ATP11A: variants seen among roughly 807,000 people sequenced by gnomAD.
The protein encoded by ATP11A is phospholipid-transporting ATPase IH.
ATP11A carries 81 observed loss-of-function variants against 154.4 expected under a neutral mutation model. The observed-to-expected ratio is 0.52, with a 90% confidence interval of 0.44 to 0.63. The LOEUF (loss-of-function observed/expected upper bound fraction) is 0.63. ATP11A is among the 30% of genes least tolerant of loss of function. The pLI, the probability that ATP11A is intolerant of heterozygous loss-of-function variation, is 0.00. For synonymous variants in ATP11A, 623 were observed against 585.9 expected (o/e 1.06, Z -0.91); for missense variants, 1,316 against 1,474.3 (o/e 0.89, Z 1.76).
At chr13:112,816,046 G>C in intron 5 of ATP11A, 37 bp from the exon 6 acceptor site, 1 of 1,612,744 alleles carries the variant, frequency 6.2e-7, no homozygotes, top group Middle Eastern at 1.7e-4. Flanking sequence ...TCACGGAGGG[G>C]CTTTCCATTG....
chr13:112,701,943 C>T (rs1303534037), intron 1 of ATP11A, among the ~76,000 whole-genome samples: 1 of 152,152 alleles, frequency 6.6e-6, no homozygotes, highest in African/African-American at 2.4e-5. Context: ...TGGATGGGGC[C>T]TGCGGTTATC....
intron 1 of ATP11A, among the ~76,000 whole-genome samples, chr13:112,770,171 C>G (rs1444582810): frequency 6.6e-6 from 1 of 152,130 alleles, no homozygotes; most frequent in Non-Finnish European, 1.5e-5. Flanking sequence ...CCAGAGTAGG[C>G]CAAGAATGAT....
At chr13:112,705,893 A>G (rs1192901885) in intron 1 of ATP11A, among the ~76,000 whole-genome samples, 1 of 152,188 alleles carries the variant, frequency 6.6e-6, no homozygotes, top group Non-Finnish European at 1.5e-5. Context: ...TTGTGGCAAA[A>G]CATACATAAA....
rs1164467247 is a variant in ATP11A at position 112,881,721 on chromosome 13, C to G, written c.*10-155C>G. On this transcript the variant is annotated intron_variant, in intron 29 of 29. Coordinates refer to ENST00000375645, the MANE Select transcript of ATP11A (RefSeq NM_015205.3). ...TGAGTCTAGCAGTTCCTGCAGGAGG[C>G]GATGGTAGTGAGTGCATCCCAGAGT... 1.2e-5 allele frequency: 15 copies of G among 1,304,128 alleles called. No homozygotes were observed. In the Admixed American group the frequency reaches 1.4e-4, roughly 12 times the overall value. The allele number at this position is 1,304,128 out of a possible 1,614,324, so 80.8% of individuals were successfully genotyped here.
chr13:112,816,329 A>C, intron 6 of ATP11A, 118 bp downstream of exon 6: 1 of 1,296,742 alleles, frequency 7.7e-7, no homozygotes, highest in East Asian at 2.4e-5. Flanking sequence ...CATGTAACCC[A>C]GGGAGTTACA....
intron 2 of ATP11A, 50 bp from the exon 3 acceptor site, chr13:112,804,907 A>C (rs3742228): frequency 2.5e-6 from 3 of 1,215,328 alleles, no homozygotes; most frequent in Non-Finnish European, 3.6e-6. Context: ...GTAACACTAC[A>C]AGAGTAAAAT....
At chr13:112,851,644 C>T (rs1436593588) in intron 18 of ATP11A, 2 of 154,470 alleles carry the variant, frequency 1.3e-5, no homozygotes, top group Non-Finnish European at 2.9e-5. Context: ...TTCTCAGCCT[C>T]CTGAGTAGCT....
rs977372293 is a variant in ATP11A, at chr13:112,886,101, GGGCCGC to G, written c.*4242_*4247del. 2 of 152,482 alleles carry G rather than the reference GGGCCGC, an allele frequency of 1.3e-5. No homozygotes were observed. The highest frequency in any genetic ancestry group is 4.8e-5 in the African/African-American group (2 of 41,600). The allele number at this position is 152,482 out of a possible 1,614,324, so 9.4% of individuals were successfully genotyped here. A position where few individuals can be genotyped will look rare whatever the true frequency, so the allele number is the denominator to read the frequency against. On this transcript the variant is annotated 3_prime_UTR_variant, in exon 30 of 30. Coordinates refer to ENST00000375645, the MANE Select transcript of ATP11A (RefSeq NM_015205.3). The stretch of plus-strand genomic sequence containing the variant: ...CCTTCCGCCACGAGCCAGCTGGGAA[GGGCCGC>G]GGCCGCCTAAAGCCCCAGTCAACCC...
At chr13:112,880,633 A>T in intron 29 of ATP11A, 1 of 1,296,238 alleles carries the variant, frequency 7.7e-7, no homozygotes, top group Non-Finnish European at 1.0e-6. Flanking sequence ...GCCAAGGCGC[A>T]GTTAGCTCCA....
rs28450734 is a variant in ATP11A at position 112,746,438 on chromosome 13, C to A, written c.40-38697C>A. On this transcript the variant is annotated intron_variant, in intron 1 of 29. Coordinates refer to ENST00000375645, the MANE Select transcript of ATP11A (RefSeq NM_015205.3). This position sits in a 1 kb window ranked among gnomAD's most constrained non-coding sequence, Gnocchi z 4.1. ...TGGGGTTCCGGCTCCCCGCGTCCTC[C>A]CCGGGTAACTGGGGCTCTGGTTCCC... 7.8e-6 allele frequency: 1 copy of A among 128,190 alleles called. No homozygotes were observed. Among genetic ancestry groups the A allele is most frequent in the Non-Finnish European group, 1.6e-5 (1 of 61,624 alleles). 7.9% of individuals were successfully genotyped at this position (128,190 alleles called of 1,614,324 possible). A position where few individuals can be genotyped will look rare whatever the true frequency, so the allele number is the denominator to read the frequency against.
At chr13:112,749,094 A>G (rs1053511026) in intron 1 of ATP11A, among the ~76,000 whole-genome samples, 1 of 152,218 alleles carries the variant, frequency 6.6e-6, no homozygotes, top group African/African-American at 2.4e-5. Context: ...AGGTGGCTGC[A>G]GCGTCCCCAG....
At chr13:112,868,431 G>A (rs945973) in intron 25 of ATP11A, among the ~76,000 whole-genome samples, 49,658 of 152,048 alleles carry the variant, frequency 0.33, 8,850 homozygotes, top group East Asian at 0.45. Context: ...GGAAGTGGGG[G>A]CATGGGGCTT....
intron 6 of ATP11A, among the ~76,000 whole-genome samples, chr13:112,816,712 T>A (rs1267131936): frequency 2.6e-5 from 4 of 152,088 alleles, no homozygotes; most frequent in African/African-American, 9.7e-5. Context: ...TACCTTGTGT[T>A]TTTTGACCTA....
At chr13:112,819,461 C>A in intron 7 of ATP11A, 54 bp downstream of exon 7, 2 of 1,520,926 alleles carry the variant, frequency 1.3e-6, no homozygotes, top group Non-Finnish European at 1.8e-6. Context: ...CTCAACATTG[C>A]TCTTGCTTTT....
intron 10 of ATP11A, 50 bp from the exon 11 acceptor site, chr13:112,825,380 A>C: frequency 6.5e-7 from 1 of 1,542,630 alleles, no homozygotes; most frequent in Non-Finnish European, 8.8e-7. Context: ...AAGGAAGTGC[A>C]GAGCTCATTT....
In ATP11A at chr13:112,885,389, GCA is replaced by G. The variant is rs1388688001; in HGVS notation, c.*3527_*3528del. 1 of 152,226 alleles carries G rather than the reference GCA, an allele frequency of 6.6e-6. No individual in the cohort carries two copies. The highest frequency in any genetic ancestry group is 1.5e-5 in the Non-Finnish European group (1 of 68,080). The allele number at this position is 152,226 out of a possible 1,614,324, so 9.4% of individuals were successfully genotyped here. On this transcript the variant is annotated 3_prime_UTR_variant, in exon 30 of 30. Transcript: ENST00000375645. Reference sequence around the variant, plus strand: ...ATTCACTACAAACGTGCAGCCTCCTGCACACGTGCACATTCATGTGTACACCA... The same window carrying G: ...ATTCACTACAAACGTGCAGCCTCCTGCACGTGCACATTCATGTGTACACCA...
intron 15 of ATP11A, among the ~76,000 whole-genome samples, 187 bp downstream of exon 15, chr13:112,834,847 G>T (rs1227935549): frequency 6.6e-6 from 1 of 152,260 alleles, no homozygotes; most frequent in Non-Finnish European, 1.5e-5. Context: ...CTTAGAGAAG[G>T]GCTTGGGTGC....
At chr13:112,830,210 T>C (rs1363363933) in intron 12 of ATP11A, among the ~76,000 whole-genome samples, 4 of 152,364 alleles carry the variant, frequency 2.6e-5, no homozygotes, top group African/African-American at 4.8e-5. Flanking sequence ...TATTTAGTTA[T>C]AGCTAAACAG....
intron 1 of ATP11A, among the ~76,000 whole-genome samples, chr13:112,755,714 G>A (rs993559326): frequency 6.6e-6 from 1 of 152,026 alleles, no homozygotes; most frequent in African/African-American, 2.4e-5. Flanking sequence ...ATCACTCAGA[G>A]CGGCTCCCAG....
Sources: gnomAD v4.1 joint callset for allele counts (sites outside exome capture counted in the v4.1 genomes callset) on GRCh38, gnomAD v4.1.1 for gene constraint, Gnocchi (gnomAD v3.1) non-coding constraint, MANE v1.5 for transcripts, NCBI Gene and HGNC (gene_info 2026-07-23, HGNC 2026-07-21) for gene names.